Variants in HPSE2 observed in about 807,000 individuals in gnomAD.
HPSE2 encodes the protein heparanase 2 (inactive).
Under a neutral mutation model 60.5 loss-of-function variants are expected in HPSE2, and 38 were observed. That is an observed-to-expected ratio of 0.63 (90% CI 0.48 to 0.82). HPSE2 has a LOEUF of 0.82. Among genes scored for constraint, HPSE2 ranks in the 40% least tolerant of loss-of-function variants. The pLI is 0.00. For synonymous variants in HPSE2, 295 were observed against 293.2 expected (o/e 1.01, Z -0.06); for missense variants, 713 against 740.4 (o/e 0.96, Z 0.43).
In HPSE2 at chr10:99,034,588, T is replaced by A. The variant is rs564424235; in HGVS notation, c.610+109650A>T. 8.6e-4 allele frequency among the ~76,000 whole-genome samples: 131 copies of A among 152,194 alleles called. 1 individual carries two copies. Among genetic ancestry groups the A allele is most frequent in the African/African-American group, 3.0e-3 (124 of 41,542 alleles). ...TACATGATACGTGTACACAGAGACA[T>A]AAATACACAGATATAGAAAAACAGA... On this transcript the variant is annotated intron_variant, in intron 3 of 11. Coordinates refer to ENST00000370552, the MANE Select transcript of HPSE2 (RefSeq NM_021828.5).
chr10:98,592,084 C>T (rs769072344), intron 9 of HPSE2, among the ~76,000 whole-genome samples: 42 of 152,214 alleles, frequency 2.8e-4, no homozygotes, highest in Non-Finnish European at 1.2e-4. Flanking sequence ...TGGTTTGGAT[C>T]TCAGACTCCA....
intron 10 of HPSE2, 140 bp from the exon 11 acceptor site, chr10:98,482,922 G>T (rs1195830579): frequency 3.9e-6 from 3 of 776,738 alleles, no homozygotes; most frequent in Non-Finnish European, 2.1e-6. Flanking sequence ...GACCCTAAAA[G>T]AAAGGAAGGC....
chr10:98,519,360 C>G (rs940625863), intron 9 of HPSE2, among the ~76,000 whole-genome samples: 1 of 152,200 alleles, frequency 6.6e-6, no homozygotes, highest in African/African-American at 2.4e-5. Flanking sequence ...TCCCATGTTC[C>G]TTCTTTCACT....
At position 98,915,110 on chromosome 10, in the gene HPSE2, T is replaced by C. The variant is rs886928511; in HGVS notation, c.611-171054A>G. Among the ~76,000 whole-genome samples, 9 of 152,046 alleles carry C rather than the reference T, an allele frequency of 5.9e-5. No individual in the cohort carries two copies. In the East Asian group the frequency reaches 1.4e-3, roughly 23 times the overall value. ...TATACTTATATAACCTCGATAAACT[T>C]TGATGTAATTTTATATTGTTCTACA... On this transcript the variant is annotated intron_variant, in intron 3 of 11. Transcript: ENST00000370552.
intron 3 of HPSE2, among the ~76,000 whole-genome samples, chr10:98,998,104 T>C (rs568377574): frequency 1.3e-4 from 20 of 152,140 alleles, no homozygotes; most frequent in Non-Finnish European, 2.9e-4. Context: ...CTACACTACA[T>C]ACAAGTTTAG....
intron 3 of HPSE2, among the ~76,000 whole-genome samples, chr10:99,027,646 A>G (rs960647517): frequency 6.6e-6 from 1 of 150,780 alleles, no homozygotes; most frequent in Non-Finnish European, 1.5e-5. Context: ...AAATCAGACA[A>G]AGACACATGA....
At chr10:98,996,485 G>A (rs1956644562) in intron 3 of HPSE2, among the ~76,000 whole-genome samples, 1 of 152,028 alleles carries the variant, frequency 6.6e-6, no homozygotes, top group Non-Finnish European at 1.5e-5. Flanking sequence ...CAGAAATTCT[G>A]CTCCTAGATA....
chr10:99,129,876 C>A (rs374482542), intron 3 of HPSE2, among the ~76,000 whole-genome samples: 4 of 149,724 alleles, frequency 2.7e-5, no homozygotes, highest in African/African-American at 7.3e-5. Context: ...ATTGATACAT[C>A]ATTAGTGAGA....
intron 3 of HPSE2, among the ~76,000 whole-genome samples, chr10:99,077,626 C>T (rs1842990284): frequency 6.6e-6 from 1 of 151,768 alleles, no homozygotes; most frequent in South Asian, 2.1e-4. Context: ...TATATATACA[C>T]ACATCCATTT....
At chr10:99,257,155 C>T in the HPSE2 span, among the ~76,000 whole-genome samples, 1 of 152,098 alleles carries the variant, frequency 6.6e-6, no homozygotes, top group Non-Finnish European at 1.5e-5. Context: ...ATGTATGTCG[C>T]CTCAGGACAC....
intron 7 of HPSE2, among the ~76,000 whole-genome samples, chr10:98,635,608 T>C (rs970880737): frequency 9.9e-5 from 15 of 151,916 alleles, no homozygotes; most frequent in African/African-American, 3.1e-4. Context: ...CAGCAAGACC[T>C]TGTCTCTACA....
chr10:98,587,634 C>G (rs1944974671), intron 9 of HPSE2, among the ~76,000 whole-genome samples: 1 of 152,170 alleles, frequency 6.6e-6, no homozygotes, highest in Admixed American at 6.5e-5. Context: ...TCCTCCTCTT[C>G]TGAGAACTGT....
At chr10:98,724,036 A>T (rs1315155522) in intron 4 of HPSE2, among the ~76,000 whole-genome samples, 1 of 151,956 alleles carries the variant, frequency 6.6e-6, no homozygotes, top group Non-Finnish European at 1.5e-5. Flanking sequence ...TTGCTTCTCT[A>T]GTTCTTTTAA....
At chr10:99,304,146 C>T in the HPSE2 span, among the ~76,000 whole-genome samples, 1 of 152,186 alleles carries the variant, frequency 6.6e-6, no homozygotes, top group African/African-American at 2.4e-5. Context: ...AGAGGTGAGA[C>T]TTAGACATCA....
chr10:98,477,393 A>G (rs895685555), intron 11 of HPSE2, among the ~76,000 whole-genome samples: 2 of 152,168 alleles, frequency 1.3e-5, no homozygotes, highest in Admixed American at 1.3e-4. Flanking sequence ...TTGGCCACAG[A>G]CTGAAGGCTG....
At chr10:98,567,945 G>A (rs1185766914) in intron 9 of HPSE2, among the ~76,000 whole-genome samples, 4 of 152,180 alleles carry the variant, frequency 2.6e-5, no homozygotes, top group African/African-American at 9.7e-5. Flanking sequence ...CACCTCATGG[G>A]ATAAAAATCA....
At chr10:99,292,806 G>A in the HPSE2 span, among the ~76,000 whole-genome samples, 417 of 152,040 alleles carry the variant, frequency 2.7e-3, 2 homozygotes, top group African/African-American at 9.8e-3. Context: ...ATTTGCTCTA[G>A]CCACATTTCC....
rs545225840 is a variant in HPSE2 at position 98,781,473 on chromosome 10, T to C, written c.611-37417A>G. 8.5e-5 allele frequency among the ~76,000 whole-genome samples: 13 copies of C among 152,056 alleles called. No individual in the cohort carries two copies. The East Asian group carries it at 2.5e-3, about 29-fold the overall frequency. On this transcript the variant is annotated intron_variant, in intron 3 of 11. Coordinates refer to ENST00000370552, the MANE Select transcript of HPSE2 (RefSeq NM_021828.5). Reference sequence around the variant, plus strand: ...TGAAAATAAATGTTTAAAACTTATATGAGTAATGGATATCATATCGTTAAC... The same window carrying C: ...TGAAAATAAATGTTTAAAACTTATACGAGTAATGGATATCATATCGTTAAC...
intron 3 of HPSE2, among the ~76,000 whole-genome samples, chr10:98,894,626 T>C (rs958447256): frequency 6.6e-6 from 1 of 151,042 alleles, no homozygotes; most frequent in East Asian, 2.0e-4. Context: ...AAAGAGAAAC[T>C]GAAAGACAAT....
Sources: gnomAD v4.1 joint callset for allele counts (sites outside exome capture counted in the v4.1 genomes callset) on GRCh38, gnomAD v4.1.1 for gene constraint, MANE v1.5 for transcripts, NCBI Gene and HGNC (gene_info 2026-07-23, HGNC 2026-07-21) for gene names.